RHOT1: variants seen among roughly 807,000 people sequenced by gnomAD.
The protein encoded by RHOT1 is ras homolog family member T1.
A neutral mutation model predicts 95.3 loss-of-function variants in RHOT1; 27 were observed. That is an observed-to-expected ratio of 0.28 (90% CI 0.21 to 0.39). The LOEUF (loss-of-function observed/expected upper bound fraction) is 0.39. Among genes scored for constraint, RHOT1 ranks in the 10% least tolerant of loss-of-function variants. The pLI, the probability that RHOT1 is intolerant of heterozygous loss-of-function variation, is 1.00. For synonymous variants in RHOT1, 227 were observed against 263.5 expected, an observed-to-expected ratio of 0.86 and a Z score of 1.34; for missense variants, 578 against 786.7, an observed-to-expected ratio of 0.73 and a Z score of 3.17.
intron 10 of RHOT1, 148 bp downstream of exon 10, chr17:32,193,392 G>A (rs72827703): frequency 3.2e-6 from 2 of 634,786 alleles, no homozygotes; most frequent in Non-Finnish European, 5.6e-6. Context: ...TTTATGAGTT[G>A]GGAGGGACAG....
Position 32,186,807 on chromosome 17 carries a change from C to T in RHOT1, c.540+3535C>T, listed in dbSNP as rs374178376. Among the ~76,000 whole-genome samples the T allele has an allele frequency of 4.3e-4, 65 of 152,218 alleles. 1 individual carries two copies. In the East Asian group the frequency reaches 0.012, roughly 29 times the overall value. ...TCCTAAGTAGCTGGGACTACAGGTG[C>T]ATGCCACCACACACAGCTAATTTTT... is the stretch of plus-strand genomic sequence containing the variant. On this transcript the variant is annotated intron_variant, in intron 8 of 19. Transcript: ENST00000545287.
intron 18 of RHOT1, 146 bp downstream of exon 18, chr17:32,208,455 A>C: frequency 1.3e-6 from 1 of 785,356 alleles, no homozygotes; most frequent in Non-Finnish European, 2.1e-6. Flanking sequence ...ATTTGAGTAA[A>C]TGCAAGTTTG....
chr17:32,182,802 T>C lies in RHOT1; in HGVS notation c.375T>C (p.Tyr125=), dbSNP rs765800348. The change falls in exon 7 of 20, where the codon TAT becomes TAC. Residue 125 remains tyrosine (Y), a synonymous_variant. Coordinates refer to ENST00000545287, the MANE Select transcript of RHOT1 (RefSeq NM_001033566.3). ...LVGNKSDLVE[Y]SSMETILPIM... is the part of the protein sequence containing the mutation. The stretch of plus-strand genomic sequence containing the variant: ...GGAACAAATCTGATCTGGTGGAATA[T>C]AGTAGTATGGAGACCATCCTTCCTA... 2.5e-6 allele frequency: 4 copies of C among 1,608,876 alleles called. No homozygotes were observed. The highest frequency in any genetic ancestry group is 2.5e-6 in the Non-Finnish European group (3 of 1,176,522).
chr17:32,159,027 A>G (rs1329375783), intron 1 of RHOT1, among the ~76,000 whole-genome samples: 1 of 152,020 alleles, frequency 6.6e-6, no homozygotes, highest in Non-Finnish European at 1.5e-5. Flanking sequence ...CTCCTACCTC[A>G]CATGGCTGGG....
rs904115572 is a variant in RHOT1, at chr17:32,197,353, C to T, written c.870-1594C>T. Among the ~76,000 whole-genome samples the T allele has an allele frequency of 7.9e-5, 12 of 151,434 alleles. No individual in the cohort carries two copies. The East Asian group carries it at 1.6e-3, about 20-fold the overall frequency. ...AATCACTTCTCCTGCCTCAGCTTCCCGAGTAGCTGGGATTACAGGTGCGTG... is the reference window on the plus strand; with the variant it reads ...AATCACTTCTCCTGCCTCAGCTTCCTGAGTAGCTGGGATTACAGGTGCGTG... On this transcript the variant is annotated intron_variant, in intron 11 of 19. Coordinates refer to ENST00000545287, the MANE Select transcript of RHOT1 (RefSeq NM_001033566.3).
At chr17:32,223,705 C>T (rs1167209947) in intron 19 of RHOT1, among the ~76,000 whole-genome samples, 1 of 152,012 alleles carries the variant, frequency 6.6e-6, no homozygotes, top group African/African-American at 2.4e-5. Flanking sequence ...TGAGCCACTG[C>T]ACCCGGCCAA....
chr17:32,176,959 T>A (rs2035057764), intron 6 of RHOT1, among the ~76,000 whole-genome samples: 1 of 152,190 alleles, frequency 6.6e-6, no homozygotes, highest in Non-Finnish European at 1.5e-5. Flanking sequence ...TCTCTTTTAG[T>A]TGGAAGTTTT....
Position 32,142,552 on chromosome 17 carries a change from G to A in RHOT1, c.-141G>A. 3.2e-6 allele frequency: 2 copies of A among 630,066 alleles called. No individual in the cohort carries two copies. Among genetic ancestry groups the A allele is most frequent in the East Asian group, 3.4e-5 (1 of 29,078 alleles). The allele number at this position is 630,066 out of a possible 1,614,324, so 39.0% of individuals were successfully genotyped here. A position where few individuals can be genotyped will look rare whatever the true frequency, so the allele number is the denominator to read the frequency against. Reference sequence around the variant, plus strand: ...GAGCTGGCGCTGTCCCGGCTCTCTTGCGGGGAAGCAACTGAGGGGGCGGCG... The same window carrying A: ...GAGCTGGCGCTGTCCCGGCTCTCTTACGGGGAAGCAACTGAGGGGGCGGCG... On this transcript the variant is annotated 5_prime_UTR_variant, in exon 1 of 20. Transcript: ENST00000545287.
chr17:32,148,984 G>C (rs1217632401), intron 1 of RHOT1, among the ~76,000 whole-genome samples: 1 of 152,216 alleles, frequency 6.6e-6, no homozygotes, highest in African/African-American at 2.4e-5. Flanking sequence ...CTGCTTAGAA[G>C]CATGGAGTCT....
chr17:32,224,730 A>AT lies in RHOT1; in HGVS notation c.1978dup (p.Ter660LeufsTer3). The AT allele has an allele frequency of 6.3e-7, 1 of 1,591,874 alleles. No individual in the cohort carries two copies. Among genetic ancestry groups the AT allele is most frequent in the Non-Finnish European group, 8.6e-7 (1 of 1,161,926 alleles). ...TGTACAAAGCATTATTGAAACAGCG[A>AT]TGATATAAAAAGAAATACTGTCCCT... On this transcript the variant is annotated frameshift_variant, in exon 20 of 20. Coordinates refer to ENST00000545287, the MANE Select transcript of RHOT1 (RefSeq NM_001033566.3). LOFTEE classifies it high-confidence loss of function.
At chr17:32,165,522 CAAA>C (rs113306708) in intron 1 of RHOT1, among the ~76,000 whole-genome samples, 10 of 134,928 alleles carry the variant, frequency 7.4e-5, no homozygotes, top group Middle Eastern at 3.5e-3. Flanking sequence ...GACCCTGTCT[CAAA>C]AAAAAAAAAA....
At chr17:32,149,675 A>G (rs2032017049) in intron 1 of RHOT1, among the ~76,000 whole-genome samples, 1 of 131,222 alleles carries the variant, frequency 7.6e-6, no homozygotes. Context: ...ACACACATGC[A>G]TACATACATA....
At chr17:32,152,160 T>C (rs2032389804) in intron 1 of RHOT1, among the ~76,000 whole-genome samples, 2 of 152,240 alleles carry the variant, frequency 1.3e-5, no homozygotes, top group Admixed American at 1.3e-4. Context: ...TGTGTCTGTA[T>C]GTTCAAGCGT....
chr17:32,154,099 T>G (rs1240288198), intron 1 of RHOT1, among the ~76,000 whole-genome samples: 2 of 149,950 alleles, frequency 1.3e-5, no homozygotes, highest in Non-Finnish European at 3.0e-5. Context: ...GCCCAGAAGT[T>G]CAAGAGCAAT....
At chr17:32,209,226 G>T in intron 18 of RHOT1, 4 of 463,076 alleles carry the variant, frequency 8.6e-6, no homozygotes, top group Non-Finnish European at 1.5e-5. Context: ...ACTTTTTTTA[G>T]ATGCAACAAA....
chr17:32,224,152 C>A (rs1216805349), intron 19 of RHOT1, among the ~76,000 whole-genome samples: 1 of 152,050 alleles, frequency 6.6e-6, no homozygotes, highest in Non-Finnish European at 1.5e-5. Context: ...TTAATCATTT[C>A]TCTTAGAAAA....
chr17:32,168,151 T>G (rs888492731), intron 1 of RHOT1, among the ~76,000 whole-genome samples: 6 of 152,026 alleles, frequency 3.9e-5, no homozygotes, highest in Admixed American at 3.9e-4. Context: ...TACTGCTCAC[T>G]GACAATACAC....
intron 4 of RHOT1, 74 bp from the exon 5 acceptor site, chr17:32,175,888 A>G: frequency 2.0e-6 from 2 of 988,926 alleles, no homozygotes; most frequent in Non-Finnish European, 2.9e-6. Context: ...GAATATATTA[A>G]TAAGTTGCTA....
chr17:32,217,979 C>G (rs945093938), intron 19 of RHOT1, among the ~76,000 whole-genome samples: 1 of 151,794 alleles, frequency 6.6e-6, no homozygotes, highest in Non-Finnish European at 1.5e-5. Context: ...TCTCCTGTCT[C>G]AGCCTCCCAA....
Sources: allele counts gnomAD v4.1 joint callset (sites outside exome capture counted in the v4.1 genomes callset), GRCh38; gene constraint gnomAD v4.1.1; transcripts MANE v1.5; gene names NCBI Gene and HGNC (gene_info 2026-07-23, HGNC 2026-07-21).